Variants in NBEA observed in about 807,000 individuals in gnomAD.
NBEA encodes the protein lysosomal-trafficking regulator 2.
Under a neutral mutation model 343.4 loss-of-function variants are expected in NBEA, and 44 were observed. That is an observed-to-expected ratio of 0.13 (90% confidence interval 0.10 to 0.16). NBEA has a LOEUF of 0.16. NBEA is among the 10% of genes least tolerant of loss of function. The probability of loss-of-function intolerance (pLI) is 1.00; values close to 1 mark genes in which losing one functional copy is unlikely to be tolerated. For synonymous variants in NBEA, 1,175 were observed against 1,238.7 expected, an observed-to-expected ratio of 0.95 and a Z score of 1.08; for missense variants, 2,555 against 3,631.3, an observed-to-expected ratio of 0.70 and a Z score of 7.62.
intron 34 of NBEA, among the ~76,000 whole-genome samples, chr13:35,258,905 A>G (rs975844915): frequency 2.6e-5 from 4 of 152,214 alleles, no homozygotes; most frequent in Non-Finnish European, 1.5e-5. Context: ...TTTGTGTTAG[A>G]TGATTTTGCC....
intron 41 of NBEA, among the ~76,000 whole-genome samples, chr13:35,550,001 A>C (rs1331667196): frequency 6.6e-6 from 1 of 152,212 alleles, no homozygotes; most frequent in African/African-American, 2.4e-5. Flanking sequence ...TATAGCCTGC[A>C]AAGCCTAAAT....
At chr13:35,137,354 G>T (rs1336961718) in intron 17 of NBEA, among the ~76,000 whole-genome samples, 1 of 151,828 alleles carries the variant, frequency 6.6e-6, no homozygotes, top group South Asian at 2.1e-4. Flanking sequence ...GGAGACTGAG[G>T]CAGGAGAATG....
At chr13:34,997,386 A>T (rs530316698) in intron 1 of NBEA, among the ~76,000 whole-genome samples, 5 of 152,338 alleles carry the variant, frequency 3.3e-5, no homozygotes, top group Middle Eastern at 3.4e-3. Flanking sequence ...TAAAATGCAG[A>T]TACTTTGATT....
At chr13:35,122,452 C>T (rs1425325377) in intron 16 of NBEA, among the ~76,000 whole-genome samples, 7 of 151,792 alleles carry the variant, frequency 4.6e-5, no homozygotes, top group Non-Finnish European at 1.0e-4. Flanking sequence ...CCATCATTCT[C>T]AGCAAACTAC....
intron 58 of NBEA, among the ~76,000 whole-genome samples, chr13:35,670,654 G>A (rs954821795): frequency 4.6e-5 from 7 of 152,230 alleles, no homozygotes; most frequent in Admixed American, 2.0e-4. Flanking sequence ...ATGTGGTTCC[G>A]TGGGCCCCTC....
intron 32 of NBEA, among the ~76,000 whole-genome samples, chr13:35,209,802 G>A (rs2073644019): frequency 6.6e-6 from 1 of 151,948 alleles, no homozygotes; most frequent in African/African-American, 2.4e-5. Context: ...ACACATTTAT[G>A]GGGTTGTAGT....
intron 18 of NBEA, among the ~76,000 whole-genome samples, chr13:35,151,152 A>G (rs1468387455): frequency 2.6e-5 from 4 of 151,806 alleles, no homozygotes; most frequent in Non-Finnish European, 5.9e-5. Flanking sequence ...TGTTATTTTA[A>G]TAATTTTTTT....
At chr13:35,499,724 G>C (rs1360587208) in intron 41 of NBEA, among the ~76,000 whole-genome samples, 1 of 152,000 alleles carries the variant, frequency 6.6e-6, no homozygotes, top group Non-Finnish European at 1.5e-5. Flanking sequence ...TTGCAGAAAA[G>C]CTAGTTTTCA....
chr13:34,948,569 G>T (rs763896347), intron 1 of NBEA, among the ~76,000 whole-genome samples: 2 of 152,094 alleles, frequency 1.3e-5, no homozygotes, highest in Admixed American at 1.3e-4. Flanking sequence ...TGTAAGTTGG[G>T]TTTTTTGTCA....
At chr13:35,375,353 G>A (rs766288310) in intron 38 of NBEA, among the ~76,000 whole-genome samples, 8 of 151,976 alleles carry the variant, frequency 5.3e-5, no homozygotes, top group African/African-American at 9.7e-5. Context: ...CATCATATTC[G>A]TGTGCTCCAT....
chr13:35,517,204 C>T (rs2077517738), intron 41 of NBEA, among the ~76,000 whole-genome samples: 1 of 152,158 alleles, frequency 6.6e-6, no homozygotes, highest in African/African-American at 2.4e-5. Context: ...CTCCCCTTCC[C>T]TGGCCACTCT....
chr13:35,343,878 T>TA (rs1419072869), intron 36 of NBEA, among the ~76,000 whole-genome samples: 1 of 152,184 alleles, frequency 6.6e-6, no homozygotes, highest in African/African-American at 2.4e-5. Flanking sequence ...CATTATATAT[T>TA]ACAATGTAAT....
intron 36 of NBEA, among the ~76,000 whole-genome samples, chr13:35,314,938 C>T (rs1436882249): frequency 6.6e-6 from 1 of 152,194 alleles, no homozygotes; most frequent in African/African-American, 2.4e-5. Context: ...CTTTAGGTAG[C>T]TGGGATGCAG....
chr13:35,424,857 C>A (rs1271000173), intron 38 of NBEA, among the ~76,000 whole-genome samples: 2 of 152,132 alleles, frequency 1.3e-5, no homozygotes, highest in African/African-American at 4.8e-5. Context: ...AGAGATTCAA[C>A]TTCTTCCTGT....
chr13:34,964,498 T>C (rs905910679), intron 1 of NBEA, among the ~76,000 whole-genome samples: 3 of 152,072 alleles, frequency 2.0e-5, no homozygotes, highest in Admixed American at 2.0e-4. Flanking sequence ...ATTATTCTTA[T>C]GGCTCCTTGG....
chr13:34,969,328 AC>A (rs2059925241), intron 1 of NBEA, among the ~76,000 whole-genome samples: 1 of 151,806 alleles, frequency 6.6e-6, no homozygotes, highest in Non-Finnish European at 1.5e-5. Flanking sequence ...AAAAAAAAAA[AC>A]TAAAATTTTT....
intron 1 of NBEA, among the ~76,000 whole-genome samples, chr13:35,004,301 G>A (rs1228340534): frequency 6.6e-6 from 1 of 152,138 alleles, no homozygotes; most frequent in Non-Finnish European, 1.5e-5. Flanking sequence ...CCCAGGAATG[G>A]GATTGCTGGG....
intron 34 of NBEA, among the ~76,000 whole-genome samples, chr13:35,242,222 T>C (rs562892249): frequency 1.3e-5 from 2 of 151,754 alleles, no homozygotes; most frequent in East Asian, 3.9e-4. Flanking sequence ...CCTAAAGAAA[T>C]TATTTAAAAG....
intron 38 of NBEA, among the ~76,000 whole-genome samples, chr13:35,391,836 A>T (rs185694212): frequency 6.6e-6 from 1 of 152,158 alleles, no homozygotes; most frequent in Admixed American, 6.6e-5. Flanking sequence ...AAGTCATCAG[A>T]AAGTTATTTC....
Sources: allele counts gnomAD v4.1 joint callset (sites outside exome capture counted in the v4.1 genomes callset), GRCh38; gene constraint gnomAD v4.1.1; transcripts MANE v1.5; gene names NCBI Gene and HGNC (gene_info 2026-07-23, HGNC 2026-07-21).